KIAA0232: variants seen among roughly 807,000 people sequenced by gnomAD.
The protein encoded by KIAA0232 is uncharacterized protein KIAA0232.
KIAA0232 carries 27 observed loss-of-function variants against 122.0 expected under a neutral mutation model. The observed-to-expected ratio is 0.22, with a 90% confidence interval of 0.16 to 0.31. The LOEUF (loss-of-function observed/expected upper bound fraction) is 0.31, where lower values mean the gene tolerates loss of function less well. Among genes scored for constraint, KIAA0232 ranks in the 10% least tolerant of loss-of-function variants. The pLI is 1.00. For synonymous variants in KIAA0232, 613 were observed against 587.6 expected (o/e 1.04, Z -0.63); for missense variants, 1,551 against 1,634.2 (o/e 0.95, Z 0.88).
intron 4 of KIAA0232, among the ~76,000 whole-genome samples, chr4:6,851,727 A>G (rs2108768978): frequency 6.6e-6 from 1 of 151,470 alleles, no homozygotes; most frequent in African/African-American, 2.4e-5. Context: ...AAAATTAAAA[A>G]AAAAAAAAAA....
At chr4:6,870,132 A>AT (rs1560209101) in intron 7 of KIAA0232, among the ~76,000 whole-genome samples, 1 of 152,204 alleles carries the variant, frequency 6.6e-6, no homozygotes. Context: ...CAGGTCTTCT[A>AT]TTGACCACAC....
intron 3 of KIAA0232, 72 bp from the exon 4 acceptor site, chr4:6,841,995 G>A: frequency 6.5e-7 from 1 of 1,544,240 alleles, no homozygotes; most frequent in Non-Finnish European, 8.8e-7. Context: ...GTGACTGAGT[G>A]TGTGTGGTAG....
At chr4:6,808,810 C>T (rs1410025186) in intron 2 of KIAA0232, among the ~76,000 whole-genome samples, 1 of 152,106 alleles carries the variant, frequency 6.6e-6, no homozygotes, top group Non-Finnish European at 1.5e-5. Flanking sequence ...TATTCTCCTC[C>T]ATTTAGATTT....
At chr4:6,859,904 C>T (rs372518625) in intron 6 of KIAA0232, among the ~76,000 whole-genome samples, 2 of 152,308 alleles carry the variant, frequency 1.3e-5, no homozygotes, top group South Asian at 2.1e-4. Flanking sequence ...AAACCAGCCT[C>T]CCTGGCTTTT....
chr4:6,867,939 CTT>C (rs372336328), intron 7 of KIAA0232, among the ~76,000 whole-genome samples: 5 of 152,224 alleles, frequency 3.3e-5, no homozygotes, highest in African/African-American at 9.6e-5. Context: ...TTCTGTGTCT[CTT>C]GTTTGTCTCT....
intron 4 of KIAA0232, among the ~76,000 whole-genome samples, chr4:6,851,219 C>CTG (rs1720265979): frequency 6.6e-6 from 1 of 152,168 alleles, no homozygotes; most frequent in Non-Finnish European, 1.5e-5. Context: ...TTAAAAATAA[C>CTG]TGGTCTAAGT....
At chr4:6,825,833 G>A (rs1434284486) in intron 3 of KIAA0232, among the ~76,000 whole-genome samples, 1 of 152,060 alleles carries the variant, frequency 6.6e-6, no homozygotes, top group Non-Finnish European at 1.5e-5. Context: ...TTAAACCATC[G>A]TTACCCACAC....
chr4:6,846,307 T>G (rs1472247784), intron 4 of KIAA0232, among the ~76,000 whole-genome samples: 1 of 152,064 alleles, frequency 6.6e-6, no homozygotes, highest in African/African-American at 2.4e-5. Context: ...TTAAACCAGG[T>G]GTCCCCGACC....
At position 6,824,260 on chromosome 4, in the gene KIAA0232, A is replaced by G. The variant is rs1404793831; in HGVS notation, c.-194A>G. ...TCACATCTACATGCATGTTGCTATC[A>G]GGATGTTGATTCATTAGTCATGCCT... On this transcript the variant is annotated 5_prime_UTR_variant, in exon 3 of 10. Coordinates refer to ENST00000307659, the MANE Select transcript of KIAA0232 (RefSeq NM_014743.3). 1.7e-6 allele frequency: 1 copy of G among 600,904 alleles called. No individual in the cohort carries two copies. 37.2% of individuals were successfully genotyped at this position (600,904 alleles called of 1,614,324 possible). A position where few individuals can be genotyped will look rare whatever the true frequency, so the allele number is the denominator to read the frequency against.
chr4:6,797,088 CT>C (rs898614851), intron 1 of KIAA0232, among the ~76,000 whole-genome samples: 12 of 152,268 alleles, frequency 7.9e-5, no homozygotes, highest in Non-Finnish European at 1.5e-4. Flanking sequence ...AGACATTATA[CT>C]TTTTTCCTCT....
chr4:6,862,967 T>C lies in KIAA0232; in HGVS notation c.2585T>C (p.Leu862Pro), dbSNP rs371238925. 1.9e-6 allele frequency: 3 copies of C among 1,614,242 alleles called. No homozygotes were observed. Among genetic ancestry groups the C allele is most frequent in the African/African-American group, 2.7e-5 (2 of 75,062 alleles). Residue 862 changes from leucine (L) to proline (P), a missense_variant, in exon 7 of 10, where the codon CTA (leucine) becomes CCA (proline). Coordinates refer to ENST00000307659, the MANE Select transcript of KIAA0232 (RefSeq NM_014743.3). ...SADVNNYCCCLDAEAELETLQ... is the reference protein window; with the variant it reads ...SADVNNYCCCPDAEAELETLQ... ...GATGTAAATAACTACTGCTGCTGTC[T>C]AGATGCTGAAGCTGAACTGGAGACC... is the stretch of plus-strand genomic sequence containing the variant.
chr4:6,789,226 C>T (rs1274319685), intron 1 of KIAA0232, among the ~76,000 whole-genome samples: 5 of 151,286 alleles, frequency 3.3e-5, no homozygotes, highest in Non-Finnish European at 7.4e-5. Context: ...CCGCTTTGGC[C>T]TCCCAAAGTG....
In KIAA0232 at chr4:6,796,673, A is replaced by T. The variant is rs1717148024; in HGVS notation, c.-353-7850A>T. 2.0e-5 allele frequency among the ~76,000 whole-genome samples: 3 copies of T among 152,264 alleles called. No homozygotes were observed. In the South Asian group the frequency reaches 6.2e-4, roughly 31 times the overall value. ...TAAGATTTGACACAGTTAGTGCAAG[A>T]AGGTGACTCTTATGGCCCTTAAAAG... On this transcript the variant is annotated intron_variant, in intron 1 of 9. Transcript: ENST00000307659.
intron 6 of KIAA0232, among the ~76,000 whole-genome samples, chr4:6,859,124 CAAGA>C (rs1356254686): frequency 2.2e-3 from 229 of 103,804 alleles, no homozygotes; most frequent in Middle Eastern, 0.016. Context: ...AAAAAAAAAA[CAAGA>C]AAGAAAAGAA....
intron 1 of KIAA0232, among the ~76,000 whole-genome samples, chr4:6,785,274 G>C (rs1716567976): frequency 6.6e-6 from 1 of 152,214 alleles, no homozygotes; most frequent in Admixed American, 6.5e-5. Context: ...TGGTAATATA[G>C]GGTAATGTAG....
intron 1 of KIAA0232, among the ~76,000 whole-genome samples, chr4:6,793,809 T>C (rs1717011880): frequency 6.6e-6 from 1 of 152,146 alleles, no homozygotes; most frequent in Non-Finnish European, 1.5e-5. Context: ...CTGAGAACTC[T>C]GAGAGAGATG....
At chr4:6,846,110 A>AAAAG (rs1200127915) in intron 4 of KIAA0232, among the ~76,000 whole-genome samples, 1 of 151,598 alleles carries the variant, frequency 6.6e-6, no homozygotes, top group African/African-American at 2.4e-5. Context: ...TAAAAAAAAA[A>AAAAG]AGATTGTTGG....
chr4:6,811,697 G>T (rs939021054), intron 2 of KIAA0232, among the ~76,000 whole-genome samples: 1 of 150,978 alleles, frequency 6.6e-6, no homozygotes, highest in Admixed American at 6.6e-5. Flanking sequence ...CGTCCGCCTC[G>T]GCCACCCAAA....
At chr4:6,846,286 C>CTA (rs1398785849) in intron 4 of KIAA0232, among the ~76,000 whole-genome samples, 2 of 152,124 alleles carry the variant, frequency 1.3e-5, no homozygotes, top group African/African-American at 4.8e-5. Flanking sequence ...GTGCATCAAT[C>CTA]TATAGATCCC....
Sources: allele counts gnomAD v4.1 joint callset (sites outside exome capture counted in the v4.1 genomes callset), GRCh38; gene constraint gnomAD v4.1.1; transcripts MANE v1.5; gene names NCBI Gene and HGNC (gene_info 2026-07-23, HGNC 2026-07-21).